PPA2: variants seen among roughly 807,000 people sequenced by gnomAD.
The protein encoded by PPA2 is inorganic pyrophosphatase 2, mitochondrial.
Under a neutral mutation model 49.5 loss-of-function variants are expected in PPA2, and 48 were observed. The observed-to-expected ratio is 0.97, with a 90% CI of 0.77 to 1.23. The LOEUF (loss-of-function observed/expected upper bound fraction) is 1.23, where lower values mean the gene tolerates loss of function less well. PPA2 is among the 50% of genes most tolerant of loss of function. PPA2 has a pLI of 0.00. For missense variants in PPA2, 429 were observed against 410.1 expected, an observed-to-expected ratio of 1.05 and a Z score of -0.40; for synonymous variants, 131 against 139.9, an observed-to-expected ratio of 0.94 and a Z score of 0.45.
chr4:105,428,122 T>G (rs1723612796), intron 6 of PPA2, among the ~76,000 whole-genome samples: 1 of 152,082 alleles, frequency 6.6e-6, no homozygotes, highest in Admixed American at 6.5e-5. Context: ...GAAGGAGAGA[T>G]AAAATCCTTT....
chr4:105,434,450 T>G (rs1263110165), intron 6 of PPA2, among the ~76,000 whole-genome samples: 1 of 152,098 alleles, frequency 6.6e-6, no homozygotes, highest in Non-Finnish European at 1.5e-5. Flanking sequence ...TAAGACATTT[T>G]GGGTTGCCAC....
At position 105,424,243 on chromosome 4, in the gene PPA2, T is replaced by A; in HGVS notation, c.608A>T (p.Lys203Ile). The change falls in exon 7 of 12, where the codon AAA becomes ATA. Residue 203 changes from lysine (K) to isoleucine (I), a missense_variant. By Grantham distance (102) the Lys-to-Ile change is moderately radical. Transcript: ENST00000341695. ...ATCATTCGCATTGATAGCAATTAATTTCCAATCTGTTTCACCTTCATCAAT... is the reference window on the plus strand; with the variant it reads ...ATCATTCGCATTGATAGCAATTAATATCCAATCTGTTTCACCTTCATCAAT... ...ALIDEGETDW[K>I]LIAINANDPE... 1 of 1,610,366 alleles carries A rather than the reference T, an allele frequency of 6.2e-7. No individual in the cohort carries two copies. The highest frequency in any genetic ancestry group is 8.5e-7 in the Non-Finnish European group (1 of 1,179,074).
At chr4:105,461,152 T>C (rs1019630162) in intron 1 of PPA2, among the ~76,000 whole-genome samples, 17 of 97,320 alleles carry the variant, frequency 1.7e-4, no homozygotes, top group African/African-American at 8.1e-4. Context: ...TTACTCAGCT[T>C]CATAAAAATG....
intron 6 of PPA2, among the ~76,000 whole-genome samples, chr4:105,431,331 A>C (rs1001690674): frequency 6.6e-6 from 1 of 152,210 alleles, no homozygotes; most frequent in Admixed American, 6.5e-5. Flanking sequence ...ATTGGATAAA[A>C]TAATTATCCA....
At chr4:105,374,858 C>CTTT (rs377243001) in intron 10 of PPA2, among the ~76,000 whole-genome samples, 1 of 131,834 alleles carries the variant, frequency 7.6e-6, no homozygotes, top group Non-Finnish European at 1.6e-5. Flanking sequence ...TTTCTTTTTT[C>CTTT]TTTTTTTTTT....
intron 7 of PPA2, among the ~76,000 whole-genome samples, chr4:105,401,109 G>C (rs924730575): frequency 6.6e-6 from 1 of 152,070 alleles, no homozygotes; most frequent in African/African-American, 2.4e-5. Flanking sequence ...ATTATAAAAA[G>C]TTCCAGCTAA....
intron 9 of PPA2, among the ~76,000 whole-genome samples, chr4:105,394,855 C>T (rs61215785): frequency 0.049 from 7,526 of 152,112 alleles, 609 homozygotes; most frequent in African/African-American, 0.17. Flanking sequence ...GATAAGACAG[C>T]AAAGAGCAAG....
intron 7 of PPA2, among the ~76,000 whole-genome samples, chr4:105,416,453 T>C (rs1723014975): frequency 6.6e-6 from 1 of 152,220 alleles, no homozygotes; most frequent in Admixed American, 6.5e-5. Context: ...GTTTCCACTT[T>C]ACTAAAGGAA....
chr4:105,435,599 T>A (rs1005099950), intron 6 of PPA2, among the ~76,000 whole-genome samples: 1 of 152,154 alleles, frequency 6.6e-6, no homozygotes, highest in Non-Finnish European at 1.5e-5. Context: ...ATTAAAAAGA[T>A]AATTCATCAT....
At position 105,447,304 on chromosome 4, in the gene PPA2, T is replaced by A. The variant is rs140587247; in HGVS notation, c.322-802A>T. Among the ~76,000 whole-genome samples, 454 of 152,216 alleles carry A rather than the reference T, an allele frequency of 3.0e-3. 5 individuals are homozygous for A. Among genetic ancestry groups the A allele is most frequent in the African/African-American group, 0.011 (438 of 41,534 alleles). On this transcript the variant is annotated intron_variant, in intron 4 of 11. Transcript: ENST00000341695. ...TAAGCCAGGCACAGAAAGACAAATA[T>A]CTCATGTTCTCACCTATATGTGGAA...
intron 8 of PPA2, chr4:105,398,799 A>T: frequency 3.3e-6 from 1 of 303,638 alleles, no homozygotes; most frequent in South Asian, 8.9e-5. Context: ...TCATTTTCCA[A>T]GACGTAGGAG....
At chr4:105,418,392 C>CA (rs1723105799) in intron 7 of PPA2, among the ~76,000 whole-genome samples, 2 of 152,176 alleles carry the variant, frequency 1.3e-5, no homozygotes, top group Admixed American at 1.3e-4. Flanking sequence ...AGCAAATGAA[C>CA]ATTTAAGCCA....
At chr4:105,372,877 T>C (rs1733082786) in intron 10 of PPA2, among the ~76,000 whole-genome samples, 1 of 152,198 alleles carries the variant, frequency 6.6e-6, no homozygotes, top group Admixed American at 6.5e-5. Context: ...AAATCATAAA[T>C]AGTTTAAAGT....
chr4:105,456,828 TC>T, intron 1 of PPA2, 83 bp from the exon 2 acceptor site: 1 of 1,076,104 alleles, frequency 9.3e-7, no homozygotes, highest in East Asian at 2.8e-5. Flanking sequence ...AACATCCTTA[TC>T]CACTTTTAAA....
chr4:105,373,570 T>C (rs1171032644), intron 10 of PPA2, among the ~76,000 whole-genome samples: 1 of 152,118 alleles, frequency 6.6e-6, no homozygotes, highest in Admixed American at 6.6e-5. Flanking sequence ...TGTATAAAAA[T>C]AGAATAATTG....
chr4:105,473,797 A>AAGGG lies in PPA2; in HGVS notation c.157+93_157+96dup. The AAGGG allele has an allele frequency of 3.3e-6, 5 of 1,512,212 alleles. No individual in the cohort carries two copies. The East Asian group carries it at 1.2e-4, about 35-fold the overall frequency. The allele number at this position is 1,512,212 out of a possible 1,614,324, so 93.7% of individuals were successfully genotyped here. On this transcript the variant is annotated intron_variant, in intron 1 of 11. Transcript: ENST00000341695. ...ACCGCTGAGGGCCCCAAAAAGAGAGAAGGGAGACCGCGCGGGGCGTCCCAA... is the reference window on the plus strand; with the variant it reads ...ACCGCTGAGGGCCCCAAAAAGAGAGAAGGGAGGGAGACCGCGCGGGGCGTCCCAA...
chr4:105,473,454 C>T (rs1723612522), intron 1 of PPA2: 2 of 383,696 alleles, frequency 5.2e-6, no homozygotes, highest in South Asian at 1.9e-5. Flanking sequence ...GGAGCTCCCG[C>T]AGTAGGAGGT....
At chr4:105,464,020 C>T (rs1033627274) in intron 1 of PPA2, among the ~76,000 whole-genome samples, 1 of 152,174 alleles carries the variant, frequency 6.6e-6, no homozygotes, top group African/African-American at 2.4e-5. Flanking sequence ...AGAAGAGGGC[C>T]ACTGTCCTCC....
chr4:105,376,728 T>C (rs573855285), intron 10 of PPA2, among the ~76,000 whole-genome samples: 1 of 152,342 alleles, frequency 6.6e-6, no homozygotes, highest in Non-Finnish European at 1.5e-5. Flanking sequence ...GCCTGAATTC[T>C]AGATTGTAAG....
Sources: gnomAD v4.1 joint callset for allele counts (sites outside exome capture counted in the v4.1 genomes callset) on GRCh38, gnomAD v4.1.1 for gene constraint, MANE v1.5 for transcripts, NCBI Gene and HGNC (gene_info 2026-07-23, HGNC 2026-07-21) for gene names.